UGT1A5: variants seen among roughly 807,000 people sequenced by gnomAD.
UGT1A5 encodes UDP glucuronosyltransferase family 1 member A5, also known as UDP-glucuronosyltransferase 1A5.
In UGT1A5, 29 loss-of-function variants were observed where a neutral mutation model predicts 40.3. That is an observed-to-expected ratio of 0.72 (90% CI 0.54 to 0.98). The LOEUF (loss-of-function observed/expected upper bound fraction) is 0.98, where lower values mean the gene tolerates loss of function less well. Ranked by LOEUF, UGT1A5 falls within the 50% of genes least tolerant of loss-of-function variation. UGT1A5 has a pLI of 0.00. For synonymous variants in UGT1A5, 257 were observed against 262.5 expected (o/e 0.98, Z 0.20); for missense variants, 678 against 677.9 (o/e 1.00, Z 0.00).
intron 1 of UGT1A5, among the ~76,000 whole-genome samples, chr2:233,758,630 C>T (rs1481038877): frequency 6.6e-6 from 1 of 152,172 alleles, no homozygotes; most frequent in Non-Finnish European, 1.5e-5. Context: ...AAAGTACCTA[C>T]TCTAAGGAGA....
In UGT1A5 at chr2:233,719,617, C is replaced by T. The variant is rs756696112; in HGVS notation, c.867+5759C>T. On this transcript the variant is annotated intron_variant, in intron 1 of 4. Transcript: ENST00000373414. ...CGAGGGGACTTTGTGATGGACTACC[C>T]CAGGCCGATCATGCCCAACATGGTC... 9 of 1,614,012 alleles carry T rather than the reference C, an allele frequency of 5.6e-6. No homozygotes were observed. The South Asian group carries it at 9.9e-5, about 18-fold the overall frequency.
intron 1 of UGT1A5, among the ~76,000 whole-genome samples, chr2:233,744,376 C>T (rs1002936325): frequency 4.0e-5 from 6 of 151,828 alleles, no homozygotes; most frequent in Non-Finnish European, 8.8e-5. Context: ...GACTGCAGTT[C>T]TCCAACGTTC....
intron 2 of UGT1A5, 69 bp from the exon 3 acceptor site, chr2:233,767,780 G>A (rs1699481282): frequency 1.9e-6 from 3 of 1,613,138 alleles, no homozygotes; most frequent in Non-Finnish European, 2.5e-6. Flanking sequence ...TTTCTAGTTA[G>A]TATAGCAGAT....
intron 1 of UGT1A5, among the ~76,000 whole-genome samples, chr2:233,725,178 G>A (rs2077377532): frequency 1.5e-5 from 1 of 68,192 alleles, no homozygotes; most frequent in Admixed American, 1.4e-4. Flanking sequence ...GAGACCGTGG[G>A]GAGAGGCAGA....
At chr2:233,724,803 C>T (rs1387288842) in intron 1 of UGT1A5, among the ~76,000 whole-genome samples, 2 of 138,308 alleles carry the variant, frequency 1.4e-5, no homozygotes, top group South Asian at 5.4e-4. Flanking sequence ...GGGTGGCGGC[C>T]GGGCAGAGGC....
In UGT1A5 at chr2:233,713,725, T is replaced by C; in HGVS notation, c.734T>C (p.Val245Ala). ...ASELFQREVSVVDLVSHASVW... is the reference protein window; with the variant it reads ...ASELFQREVSAVDLVSHASVW... ...GAGCTTTTTCAGAGAGAGGTGTCAG[T>C]GGTGGATCTTGTCAGCCATGCATCT... Residue 245 changes from valine (V) to alanine (A), a missense_variant, in exon 1 of 5, where the codon GTG becomes GCG. Transcript: ENST00000373414. 1 of 1,613,928 alleles carries C rather than the reference T, an allele frequency of 6.2e-7. No homozygotes were observed. Among genetic ancestry groups the C allele is most frequent in the Non-Finnish European group, 8.5e-7 (1 of 1,179,890 alleles).
intron 1 of UGT1A5, chr2:233,729,122 C>T (rs559883875): frequency 1.6e-5 from 26 of 1,613,092 alleles, no homozygotes; most frequent in Middle Eastern, 3.8e-4. Context: ...GTGTCTTCTG[C>T]TGAGATGGCC....
intron 1 of UGT1A5, among the ~76,000 whole-genome samples, chr2:233,735,843 T>C (rs1217610969): frequency 2.0e-5 from 3 of 152,092 alleles, no homozygotes; most frequent in South Asian, 2.1e-4. Flanking sequence ...TGGCCCCCAC[T>C]CTCTTCTGTC....
At chr2:233,717,440 C>T (rs1261238198) in intron 1 of UGT1A5, among the ~76,000 whole-genome samples, 1 of 152,238 alleles carries the variant, frequency 6.6e-6, no homozygotes, top group Non-Finnish European at 1.5e-5. Flanking sequence ...CTGATGGACG[C>T]ATCCATTCAC....
chr2:233,730,011 C>T (rs762436427), intron 1 of UGT1A5: 31 of 1,613,760 alleles, frequency 1.9e-5, no homozygotes, highest in Non-Finnish European at 2.4e-5. Flanking sequence ...TTGGTGCCTT[C>T]ATCCAATCAA....
At chr2:233,747,568 A>G in intron 1 of UGT1A5, 5 of 1,592,710 alleles carry the variant, frequency 3.1e-6, no homozygotes, top group Non-Finnish European at 3.4e-6. Flanking sequence ...ATTTTGAAAA[A>G]TTCATCTTTG....
intron 3 of UGT1A5, 28 bp downstream of exon 3, chr2:233,767,964 T>C: frequency 6.2e-7 from 1 of 1,614,138 alleles, no homozygotes; most frequent in Non-Finnish European, 8.5e-7. Context: ...GATGTATAGG[T>C]CAAACCAGGG....
chr2:233,726,222 AT>A (rs1211816724), intron 1 of UGT1A5, among the ~76,000 whole-genome samples: 6 of 152,202 alleles, frequency 3.9e-5, no homozygotes, highest in Middle Eastern at 3.2e-3. Flanking sequence ...TTTAGAAAAC[AT>A]TTTTTAAAAC....
At chr2:233,726,997 A>G (rs1314569583) in intron 1 of UGT1A5, among the ~76,000 whole-genome samples, 1 of 152,156 alleles carries the variant, frequency 6.6e-6, no homozygotes, top group Non-Finnish European at 1.5e-5. Context: ...TCTTTCTAGC[A>G]AAGTTTTATC....
At chr2:233,756,690 C>G (rs1266086020) in intron 1 of UGT1A5, among the ~76,000 whole-genome samples, 2 of 152,102 alleles carry the variant, frequency 1.3e-5, no homozygotes, top group Non-Finnish European at 2.9e-5. Flanking sequence ...TATATAATGA[C>G]GATGAATTTT....
intron 1 of UGT1A5, chr2:233,755,320 T>G: frequency 2.0e-6 from 1 of 508,264 alleles, no homozygotes; most frequent in Admixed American, 3.4e-5. Flanking sequence ...GCGGCAAGGC[T>G]GCCAGCACCC....
At chr2:233,729,825 C>A (rs770263678) in intron 1 of UGT1A5, 2 of 1,613,912 alleles carry the variant, frequency 1.2e-6, no homozygotes, top group Non-Finnish European at 1.7e-6. Flanking sequence ...CTTATGCAAG[C>A]CTTGCCTCTG....
In UGT1A5 at chr2:233,767,014, A is replaced by C. The variant is rs1355233349; in HGVS notation, c.868-20A>C. The C allele has an allele frequency of 5.6e-6, 9 of 1,613,832 alleles. No individual in the cohort carries two copies. Among genetic ancestry groups the C allele is most frequent in the Non-Finnish European group, 1.7e-6 (2 of 1,179,972 alleles). On this transcript the variant is annotated intron_variant, in intron 1 of 4. Coordinates refer to ENST00000373414, the MANE Select transcript of UGT1A5 (RefSeq NM_019078.2). ...AGAATATGAGAAAAAATTAACTGAA[A>C]ATTTTTCTTCTGGCTCTAGGAATTT...
intron 1 of UGT1A5, chr2:233,747,857 C>G: frequency 6.2e-7 from 1 of 1,613,516 alleles, no homozygotes. Flanking sequence ...AGAACATGCT[C>G]TACCCTCTGG....
Sources: gnomAD v4.1 joint callset for allele counts (sites outside exome capture counted in the v4.1 genomes callset) on GRCh38, gnomAD v4.1.1 for gene constraint, MANE v1.5 for transcripts, NCBI Gene and HGNC (gene_info 2026-07-23, HGNC 2026-07-21) for gene names.